The following ALDH18A1 variants were observed in gnomAD, a reference collection of about 807,000 sequenced individuals.
The protein encoded by ALDH18A1 is aldehyde dehydrogenase 18 family member A1, also known as delta-1-pyrroline-5-carboxylate synthase.
ALDH18A1 carries 44 observed loss-of-function variants against 88.8 expected under a neutral mutation model. The observed-to-expected ratio is 0.50, with a 90% confidence interval of 0.39 to 0.64. ALDH18A1 has a LOEUF of 0.64. ALDH18A1 is among the 30% of genes least tolerant of loss of function. The pLI is 0.00. For missense variants in ALDH18A1, 782 were observed against 1,009.5 expected (o/e 0.77, Z 3.05); for synonymous variants, 331 against 372.1 (o/e 0.89, Z 1.27).
At chr10:95,615,484 G>A (rs2097842647) in intron 13 of ALDH18A1, among the ~76,000 whole-genome samples, 1 of 152,120 alleles carries the variant, frequency 6.6e-6, no homozygotes, top group African/African-American at 2.4e-5. Context: ...ACGGCTGGTG[G>A]TTATACATGT....
chr10:95,636,396 T>C (rs1044993692), intron 5 of ALDH18A1, among the ~76,000 whole-genome samples: 2 of 152,160 alleles, frequency 1.3e-5, no homozygotes, highest in Non-Finnish European at 1.5e-5. Flanking sequence ...TAGTGTGTAG[T>C]TGTACAGTTG....
intron 2 of ALDH18A1, among the ~76,000 whole-genome samples, chr10:95,646,097 T>C (rs903370970): frequency 3.3e-5 from 5 of 152,206 alleles, no homozygotes; most frequent in Admixed American, 1.3e-4. Flanking sequence ...AGCTTAGAGC[T>C]ATGCCAAGTA....
chr10:95,646,201 A>T (rs1286895111), intron 2 of ALDH18A1, among the ~76,000 whole-genome samples: 3 of 152,102 alleles, frequency 2.0e-5, no homozygotes, highest in Non-Finnish European at 4.4e-5. Flanking sequence ...AAGGGTGGTG[A>T]GCATGGGTGG....
At chr10:95,625,854 A>G (rs955069744) in intron 10 of ALDH18A1, among the ~76,000 whole-genome samples, 1 of 152,082 alleles carries the variant, frequency 6.6e-6, no homozygotes, top group African/African-American at 2.4e-5. Flanking sequence ...AGTACTTTGA[A>G]TTAACATGTT....
Position 95,633,574 on chromosome 10 carries a change from T to C in ALDH18A1, c.634A>G (p.Arg212Gly), listed in dbSNP as rs754462933. Residue 212 changes from arginine to glycine, a missense_variant, in exon 6 of 18, where the codon AGA (arginine) becomes GGA (glycine). Arg to Gly is a moderately radical substitution (Grantham distance 125). This residue lies in a region of ALDH18A1 where 132 missense variants were observed against 255.5 expected (regional missense o/e 0.52). Transcript: ENST00000371224. ...NLNGTLHELLRMNIVPIVNTN... is the reference protein window; with the variant it reads ...NLNGTLHELLGMNIVPIVNTN... ...TTGACAATGGGGACAATGTTCATTC[T>C]AAGGAGTTCATGAAGTGTTCCATTG... 4.3e-6 allele frequency: 7 copies of C among 1,614,058 alleles called. No homozygotes were observed. The highest frequency in any genetic ancestry group is 1.3e-5 in the African/African-American group (1 of 74,936).
At chr10:95,628,660 A>G (rs2097863833) in intron 7 of ALDH18A1, 168 bp from the exon 8 acceptor site, 1 of 729,226 alleles carries the variant, frequency 1.4e-6, no homozygotes. Context: ...GACACTGACA[A>G]ACATCTCCAG....
intron 14 of ALDH18A1, 30 bp from the exon 15 acceptor site, chr10:95,613,893 C>T (rs1309521390): frequency 4.3e-6 from 7 of 1,614,112 alleles, no homozygotes; most frequent in Non-Finnish European, 5.9e-6. Context: ...GAATTGTTTC[C>T]ATTGACATGA....
chr10:95,619,278 G>A (rs538764501), intron 12 of ALDH18A1, among the ~76,000 whole-genome samples: 8 of 152,212 alleles, frequency 5.3e-5, no homozygotes, highest in African/African-American at 1.7e-4. Flanking sequence ...ACTGCTCCAC[G>A]AAATAAAAGA....
rs145197911 is a variant in ALDH18A1, at chr10:95,611,420, T to A, written c.1946A>T (p.Lys649Ile). 3.1e-6 allele frequency: 5 copies of A among 1,614,064 alleles called. No homozygotes were observed. The highest frequency in any genetic ancestry group is 1.7e-5 in the Admixed American group (1 of 60,008). Residue 649 changes from lysine (K) to isoleucine (I), a missense_variant, in exon 16 of 18, where the codon AAA (lysine) becomes ATA (isoleucine). Coordinates refer to ENST00000371224, the MANE Select transcript of ALDH18A1 (RefSeq NM_002860.4). ...GCTGAAGGTCAGATAGGAGGCAAAT[T>A]TGGGGCCTGCATGAATTTTTACCTG... ...VEQVKIHAGP[K>I]FASYLTFSPS... is the part of the protein sequence containing the mutation.
At position 95,606,132 on chromosome 10, in the gene ALDH18A1, T is replaced by C. The variant is rs1445237880; in HGVS notation, c.*630A>G. The C allele has an allele frequency of 1.9e-6, 1 of 521,702 alleles. No individual in the cohort carries two copies. The highest frequency in any genetic ancestry group is 6.2e-5 in the Admixed American group (1 of 16,202). 32.3% of individuals were successfully genotyped at this position (521,702 alleles called of 1,614,324 possible). A position where few individuals can be genotyped will look rare whatever the true frequency, so the allele number is the denominator to read the frequency against. On this transcript the variant is annotated 3_prime_UTR_variant, in exon 18 of 18. Coordinates refer to ENST00000371224, the MANE Select transcript of ALDH18A1 (RefSeq NM_002860.4). ...TGAAACTTGCATCTCCTGCTGCAGC[T>C]TGGGTTCCAGCTGCATCACGGGGAA... is the stretch of plus-strand genomic sequence containing the variant.
chr10:95,639,301 G>A (rs2097886941), intron 3 of ALDH18A1, among the ~76,000 whole-genome samples: 1 of 152,052 alleles, frequency 6.6e-6, no homozygotes, highest in South Asian at 2.1e-4. Context: ...CTGCATTCCA[G>A]TCTAGGTGAC....
chr10:95,622,833 G>A (rs532780272), intron 11 of ALDH18A1, among the ~76,000 whole-genome samples: 6 of 152,032 alleles, frequency 3.9e-5, no homozygotes, highest in Middle Eastern at 3.4e-3. Flanking sequence ...CACCGCACCC[G>A]GCCCAGAATT....
At chr10:95,645,959 T>C (rs576230487) in intron 2 of ALDH18A1, among the ~76,000 whole-genome samples, 2 of 152,338 alleles carry the variant, frequency 1.3e-5, no homozygotes, top group East Asian at 1.9e-4. Context: ...TATGTACAAC[T>C]AAGTCTTAAG....
intron 1 of ALDH18A1, among the ~76,000 whole-genome samples, chr10:95,655,750 T>A (rs2097917074): frequency 6.6e-6 from 1 of 152,140 alleles, no homozygotes; most frequent in Non-Finnish European, 1.5e-5. Context: ...GTGTCTCGAC[T>A]CTGTGTGTGT....
At chr10:95,609,769 A>G (rs868228281) in intron 17 of ALDH18A1, among the ~76,000 whole-genome samples, 1 of 114,266 alleles carries the variant, frequency 8.8e-6, no homozygotes, top group African/African-American at 3.4e-5. Context: ...GTCTGTCTCT[A>G]TTTTTTTTTT....
chr10:95,607,066 A>G, intron 17 of ALDH18A1, 123 bp from the exon 18 acceptor site: 1 of 978,464 alleles, frequency 1.0e-6, no homozygotes. Context: ...CTCCTCATCC[A>G]TCCTCCCCAG....
At chr10:95,627,106 C>T (rs2097861494) in intron 9 of ALDH18A1, among the ~76,000 whole-genome samples, 1 of 152,152 alleles carries the variant, frequency 6.6e-6, no homozygotes, top group Admixed American at 6.5e-5. Context: ...TGAGGCAATT[C>T]TGTCCTTTGT....
At chr10:95,635,011 C>G (rs916284465) in intron 5 of ALDH18A1, among the ~76,000 whole-genome samples, 2 of 151,990 alleles carry the variant, frequency 1.3e-5, no homozygotes, top group African/African-American at 4.8e-5. Flanking sequence ...AAAACAGTAG[C>G]CTTAATGGTA....
chr10:95,618,312 A>C (rs1589496072), intron 12 of ALDH18A1, among the ~76,000 whole-genome samples: 1 of 152,088 alleles, frequency 6.6e-6, no homozygotes, highest in East Asian at 1.9e-4. Context: ...AACTTGCTTA[A>C]AGAGGGTTGC....
Sources: allele counts gnomAD v4.1 joint callset (sites outside exome capture counted in the v4.1 genomes callset), GRCh38; gene constraint gnomAD v4.1.1; regional missense constraint gnomAD v4.1.1; transcripts MANE v1.5; gene names NCBI Gene and HGNC (gene_info 2026-07-23, HGNC 2026-07-21).